The following KPNA3 variants were observed in gnomAD, a reference collection of about 807,000 sequenced individuals.
KPNA3 encodes the protein importin subunit alpha-4.
A neutral mutation model predicts 73.8 loss-of-function variants in KPNA3; 13 were observed. The observed-to-expected ratio is 0.18, with a 90% CI of 0.11 to 0.28. The LOEUF is 0.28. Ranked by LOEUF, KPNA3 falls within the 10% of genes least tolerant of loss-of-function variation. The pLI, the probability that KPNA3 is intolerant of heterozygous loss-of-function variation, is 1.00. For missense variants in KPNA3, 360 were observed against 618.1 expected (o/e 0.58, Z 4.43); for synonymous variants, 186 against 206.9 (o/e 0.90, Z 0.87).
intron 2 of KPNA3, among the ~76,000 whole-genome samples, chr13:49,737,296 T>A (rs1167256666): frequency 6.6e-6 from 1 of 152,202 alleles, no homozygotes; most frequent in African/African-American, 2.4e-5. Flanking sequence ...GGAGTGACTG[T>A]ACCATTTTAC....
intron 12 of KPNA3, among the ~76,000 whole-genome samples, chr13:49,707,784 CT>C (rs1954221630): frequency 6.6e-6 from 1 of 151,428 alleles, no homozygotes; most frequent in Admixed American, 6.6e-5. Flanking sequence ...GCTTCTTTGT[CT>C]TCACTGGAAC....
chr13:49,722,170 G>A, intron 8 of KPNA3, 46 bp from the exon 9 acceptor site: 3 of 1,302,028 alleles, frequency 2.3e-6, no homozygotes, highest in East Asian at 5.1e-5. Flanking sequence ...CATTCAGGAT[G>A]AGAAAGTCTG....
At chr13:49,725,552 T>A in intron 6 of KPNA3, 51 bp from the exon 7 acceptor site, 1 of 1,116,654 alleles carries the variant, frequency 9.0e-7, no homozygotes, top group Non-Finnish European at 1.4e-6. Context: ...ACCACTTAAA[T>A]TAATGAATCT....
intron 1 of KPNA3, among the ~76,000 whole-genome samples, chr13:49,753,041 AAAAAAAAAAAAAG>A (rs1566351127): frequency 1.8e-5 from 2 of 108,112 alleles, no homozygotes; most frequent in Non-Finnish European, 2.0e-5. Context: ...AAAAAAAAAA[AAAAAAAAAAAAAG>A]AAAATTATCA....
At chr13:49,761,286 C>T (rs936358269) in intron 1 of KPNA3, among the ~76,000 whole-genome samples, 4 of 152,152 alleles carry the variant, frequency 2.6e-5, no homozygotes, top group African/African-American at 4.8e-5. Context: ...CCTCTAATGG[C>T]GAGCCGAAGC....
intron 1 of KPNA3, among the ~76,000 whole-genome samples, chr13:49,791,708 C>G (rs943170173): frequency 6.8e-5 from 10 of 147,382 alleles, no homozygotes; most frequent in Non-Finnish European, 1.2e-4. Context: ...GGAGCAACCT[C>G]TTTTCCGAAG....
In KPNA3 at chr13:49,732,644, T is replaced by G. The variant is rs921469759; in HGVS notation, c.248A>C (p.Asp83Ala). 1.2e-6 allele frequency: 2 copies of G among 1,611,620 alleles called. No homozygotes were observed. Among genetic ancestry groups the G allele is most frequent in the Non-Finnish European group, 1.7e-6 (2 of 1,178,566 alleles). The change falls in exon 5 of 17, where the codon GAT becomes GCT. Residue 83 changes from aspartate (D) to alanine (A), a missense_variant. Physicochemically the swap from Asp to Ala is moderately radical, Grantham distance 126. Around this residue, in one of 3 missense-constraint regions of KPNA3, gnomAD observed 287 missense variants for 549.1 expected, o/e 0.52. Transcript: ENST00000261667. ...LEAILQNATS[D>A]NPVVQLSAVQ... is the part of the protein sequence containing the mutation. ...AGCACTCAATTGGACCACTGGGTTA[T>G]CACTTGTGGCATTCTGCAATACCAA... is the stretch of plus-strand genomic sequence containing the variant.
chr13:49,746,226 T>C (rs903008950), intron 2 of KPNA3, among the ~76,000 whole-genome samples: 2 of 152,118 alleles, frequency 1.3e-5, no homozygotes, highest in African/African-American at 4.8e-5. Flanking sequence ...AGAAGGACGA[T>C]TGTTTGAGTC....
At chr13:49,789,934 C>T (rs1955018707) in intron 1 of KPNA3, among the ~76,000 whole-genome samples, 1 of 152,170 alleles carries the variant, frequency 6.6e-6, no homozygotes, top group Non-Finnish European at 1.5e-5. Flanking sequence ...TCCCTTTCTG[C>T]TCACCTCCAA....
chr13:49,746,050 G>C (rs1324932689), intron 2 of KPNA3, among the ~76,000 whole-genome samples: 2 of 133,380 alleles, frequency 1.5e-5, no homozygotes, highest in African/African-American at 5.7e-5. Flanking sequence ...GCGACAGAGC[G>C]AGACTCTGCA....
At chr13:49,744,710 T>A (rs1954601899) in intron 2 of KPNA3, among the ~76,000 whole-genome samples, 1 of 152,114 alleles carries the variant, frequency 6.6e-6, no homozygotes, top group Non-Finnish European at 1.5e-5. Context: ...TGACCTCAGG[T>A]GAATTTTTTG....
chr13:49,720,492 C>T (rs1208287221), intron 9 of KPNA3, among the ~76,000 whole-genome samples: 2 of 152,148 alleles, frequency 1.3e-5, no homozygotes, highest in African/African-American at 2.4e-5. Flanking sequence ...TGTGGTGGCT[C>T]ATGCTTGTAA....
At chr13:49,723,904 G>T (rs1373862716) in intron 7 of KPNA3, among the ~76,000 whole-genome samples, 1 of 150,576 alleles carries the variant, frequency 6.6e-6, no homozygotes, top group African/African-American at 2.4e-5. Context: ...AAAGAAAAAA[G>T]AAATCTCATA....
intron 1 of KPNA3, among the ~76,000 whole-genome samples, chr13:49,784,523 T>G (rs562016277): frequency 2.1e-4 from 32 of 152,350 alleles, no homozygotes; most frequent in South Asian, 2.1e-3. Flanking sequence ...AATCCAAGTA[T>G]TCATCTATAG....
chr13:49,772,288 T>C (rs1954862115), intron 1 of KPNA3, among the ~76,000 whole-genome samples: 1 of 152,226 alleles, frequency 6.6e-6, no homozygotes, highest in South Asian at 2.1e-4. Flanking sequence ...ACACCATTAA[T>C]ATGACATAAG....
chr13:49,719,943 CT>C, intron 9 of KPNA3, 124 bp from the exon 10 acceptor site: 1 of 623,094 alleles, frequency 1.6e-6, no homozygotes, highest in Non-Finnish European at 2.7e-6. Context: ...TTAAATTTGT[CT>C]GAATATCTTT....
intron 2 of KPNA3, among the ~76,000 whole-genome samples, chr13:49,745,985 C>T (rs952530406): frequency 6.8e-5 from 10 of 147,952 alleles, no homozygotes; most frequent in African/African-American, 2.2e-4. Flanking sequence ...ATGGCATGAA[C>T]CCGGGAGGCG....
chr13:49,786,970 G>T (rs1954987732), intron 1 of KPNA3, among the ~76,000 whole-genome samples: 1 of 152,202 alleles, frequency 6.6e-6, no homozygotes. Flanking sequence ...GGCAGAGGAA[G>T]TAAGGTTGGT....
chr13:49,704,406 C>A (rs962944553), intron 15 of KPNA3, among the ~76,000 whole-genome samples: 1 of 142,172 alleles, frequency 7.0e-6, no homozygotes. Flanking sequence ...GAGCGAAACT[C>A]TGTCTCAAAA....
Sources: gnomAD v4.1 joint callset for allele counts (sites outside exome capture counted in the v4.1 genomes callset) on GRCh38, gnomAD v4.1.1 for gene constraint, gnomAD v4.1.1 regional missense constraint, MANE v1.5 for transcripts, NCBI Gene and HGNC (gene_info 2026-07-23, HGNC 2026-07-21) for gene names.